The following MAPK14 variants were observed in gnomAD, a reference collection of about 807,000 sequenced individuals.
The protein encoded by MAPK14 is CSAID-binding protein.
In MAPK14, 16 loss-of-function variants were observed where a neutral mutation model predicts 49.6. That is an observed-to-expected ratio of 0.32 (90% CI 0.22 to 0.49). The LOEUF is 0.49. Ranked by LOEUF, MAPK14 falls within the 20% of genes least tolerant of loss-of-function variation. The pLI, the probability that MAPK14 is intolerant of heterozygous loss-of-function variation, is 0.99. For synonymous variants in MAPK14, 142 were observed against 158.0 expected (o/e 0.90, Z 0.76); for missense variants, 200 against 441.2 (o/e 0.45, Z 4.90).
In MAPK14 at chr6:36,028,206, A is replaced by G; in HGVS notation, c.49A>G (p.Ile17Val). 1 of 1,613,874 alleles carries G rather than the reference A, an allele frequency of 6.2e-7. No individual in the cohort carries two copies. The highest frequency in any genetic ancestry group is 8.5e-7 in the Non-Finnish European group (1 of 1,179,832). Residue 17 changes from isoleucine (I) to valine (V), a missense_variant, in exon 1 of 12, where the codon ATC becomes GTC. This residue lies in a region of MAPK14 where 30 missense variants were observed against 34.2 expected (regional missense o/e 0.88). Coordinates refer to ENST00000229794, the MANE Select transcript of MAPK14 (RefSeq NM_139012.3). This position sits in a 1 kb window ranked among gnomAD's most constrained non-coding sequence, Gnocchi z 5.1. ...TFYRQELNKT[I>V]WEVPERYQNL... ...CTACCGGCAGGAGCTGAACAAGACA[A>G]TCTGGGAGGTGCCCGAGCGTTACCA...
At chr6:36,035,506 G>A (rs1488850270) in intron 1 of MAPK14, among the ~76,000 whole-genome samples, 1 of 151,880 alleles carries the variant, frequency 6.6e-6, no homozygotes, top group Non-Finnish European at 1.5e-5. Context: ...GAATGTTCAA[G>A]TGAAAGGAAT....
chr6:36,059,033 G>A (rs1350282801), intron 2 of MAPK14, among the ~76,000 whole-genome samples: 1 of 151,960 alleles, frequency 6.6e-6, no homozygotes, highest in Non-Finnish European at 1.5e-5. Context: ...GGGATTACAG[G>A]CGCCCGCCAC....
chr6:36,060,964 C>T (rs1430108409), intron 3 of MAPK14, among the ~76,000 whole-genome samples: 7 of 152,124 alleles, frequency 4.6e-5, no homozygotes, highest in South Asian at 2.1e-4. Context: ...TTGTTCTTCT[C>T]GCAGCCCTGC....
intron 3 of MAPK14, among the ~76,000 whole-genome samples, chr6:36,059,721 T>C (rs1410753360): frequency 6.6e-6 from 1 of 152,160 alleles, no homozygotes; most frequent in Non-Finnish European, 1.5e-5. Flanking sequence ...TCTTGTGATA[T>C]TGCCCAGGCT....
chr6:36,057,734 A>G (rs1763641971), intron 2 of MAPK14, among the ~76,000 whole-genome samples: 1 of 152,016 alleles, frequency 6.6e-6, no homozygotes, highest in African/African-American at 2.4e-5. Flanking sequence ...AAAAAAAAAA[A>G]GTCTGATATT....
chr6:36,053,082 A>G (rs1309745395), intron 2 of MAPK14, among the ~76,000 whole-genome samples: 1 of 151,806 alleles, frequency 6.6e-6, no homozygotes, highest in Non-Finnish European at 1.5e-5. Context: ...AAATTAAAGG[A>G]TATGTTATGA....
chr6:36,065,923 C>G (rs1011172625), intron 3 of MAPK14, among the ~76,000 whole-genome samples: 2 of 152,108 alleles, frequency 1.3e-5, no homozygotes, highest in African/African-American at 4.8e-5. Context: ...TGTAATGATG[C>G]TTCTCATTGT....
chr6:36,052,675 G>A (rs758121793), intron 1 of MAPK14, 24 bp from the exon 2 acceptor site: 5 of 1,582,574 alleles, frequency 3.2e-6, no homozygotes, highest in Admixed American at 1.9e-5. Context: ...TTAATGGTGG[G>A]TTTTTTCCCT....
the MAPK14 span, among the ~76,000 whole-genome samples, chr6:36,116,335 G>T: frequency 7.9e-5 from 12 of 151,632 alleles, no homozygotes; most frequent in South Asian, 2.1e-4. Context: ...CAAACAATTA[G>T]AATCTTTTTT....
chr6:36,101,982 C>T (rs1225841451), intron 9 of MAPK14, among the ~76,000 whole-genome samples: 1 of 152,214 alleles, frequency 6.6e-6, no homozygotes, highest in African/African-American at 2.4e-5. Flanking sequence ...CTTGAACTGT[C>T]ACTTGGAACC....
intron 6 of MAPK14, among the ~76,000 whole-genome samples, chr6:36,074,541 T>C (rs1484503754): frequency 2.0e-5 from 3 of 152,194 alleles, no homozygotes; most frequent in Admixed American, 6.5e-5. Context: ...AAAATGTCTG[T>C]ACATTAGAAT....
intron 9 of MAPK14, among the ~76,000 whole-genome samples, chr6:36,099,240 AT>A (rs1324648480): frequency 1.3e-5 from 2 of 152,236 alleles, no homozygotes; most frequent in African/African-American, 4.8e-5. Context: ...GGTTTATTGA[AT>A]TACATTGAAT....
At chr6:36,117,865 G>A in the MAPK14 span, among the ~76,000 whole-genome samples, 18 of 152,306 alleles carry the variant, frequency 1.2e-4, no homozygotes, top group East Asian at 5.8e-4. Flanking sequence ...CTTATTGACC[G>A]AGTCCATAAA....
intron 1 of MAPK14, among the ~76,000 whole-genome samples, chr6:36,043,356 A>G (rs562143484): frequency 5.9e-5 from 9 of 152,148 alleles, no homozygotes; most frequent in Non-Finnish European, 1.2e-4. Flanking sequence ...TAATTTTTCT[A>G]TTTCACTAGG....
At chr6:36,033,235 T>G (rs1289229135) in intron 1 of MAPK14, among the ~76,000 whole-genome samples, 1 of 152,238 alleles carries the variant, frequency 6.6e-6, no homozygotes, top group Non-Finnish European at 1.5e-5. Flanking sequence ...AGCATTTGTA[T>G]TATTGATGTA....
chr6:36,109,673 A>G lies in MAPK14; in HGVS notation c.*1226A>G, dbSNP rs1409407007. The stretch of plus-strand genomic sequence containing the variant: ...TTCAACCAACTATTTTTGAGGAATT[A>G]TCATGGGAAAAGACCAGGGCTTTTC... On this transcript the variant is annotated 3_prime_UTR_variant, in exon 12 of 12. Coordinates refer to ENST00000229794, the MANE Select transcript of MAPK14 (RefSeq NM_139012.3). 6.6e-6 allele frequency: 1 copy of G among 152,652 alleles called. No homozygotes were observed. The highest frequency in any genetic ancestry group is 1.5e-5 in the Non-Finnish European group (1 of 68,034). The allele number at this position is 152,652 out of a possible 1,614,324, so 9.5% of individuals were successfully genotyped here. A position where few individuals can be genotyped will look rare whatever the true frequency, so the allele number is the denominator to read the frequency against.
At chr6:36,100,987 C>T (rs1765613981) in intron 9 of MAPK14, among the ~76,000 whole-genome samples, 1 of 152,186 alleles carries the variant, frequency 6.6e-6, no homozygotes, top group Non-Finnish European at 1.5e-5. Context: ...AGATAGTTCT[C>T]TCTTACCTGT....
In MAPK14 at chr6:36,064,318, ATAG is replaced by A. The variant is rs1763957703; in HGVS notation, c.305+4975_305+4977del. Among the ~76,000 whole-genome samples the A allele has an allele frequency of 5.3e-5, 7 of 131,890 alleles. No homozygotes were observed. In the South Asian group the frequency reaches 1.8e-3, roughly 34 times the overall value. 86.5% of individuals were successfully genotyped at this position (131,890 alleles called of 152,430 possible). On this transcript the variant is annotated intron_variant, in intron 3 of 11. Coordinates refer to ENST00000229794, the MANE Select transcript of MAPK14 (RefSeq NM_139012.3). ...AACTGTAGTGGTTCTTTGCGCAAGC[ATAG>A]TAGACAAGAATTTTTTGATTCCTCC... is the stretch of plus-strand genomic sequence containing the variant.
At chr6:36,034,059 C>T (rs984913114) in intron 1 of MAPK14, among the ~76,000 whole-genome samples, 4 of 152,098 alleles carry the variant, frequency 2.6e-5, no homozygotes, top group East Asian at 1.9e-4. Context: ...TGAGGTTGCG[C>T]GGTGGCACCT....
Sources: gnomAD v4.1 joint callset for allele counts (sites outside exome capture counted in the v4.1 genomes callset) on GRCh38, gnomAD v4.1.1 for gene constraint, gnomAD v4.1.1 regional missense constraint, Gnocchi (gnomAD v3.1) non-coding constraint, MANE v1.5 for transcripts, NCBI Gene and HGNC (gene_info 2026-07-23, HGNC 2026-07-21) for gene names.